HVCN1: variants seen among roughly 807,000 people sequenced by gnomAD.
The protein encoded by HVCN1 is hydrogen voltage gated channel 1, also known as voltage-gated hydrogen channel 1.
A neutral mutation model predicts 29.2 loss-of-function variants in HVCN1; 14 were observed. The observed-to-expected ratio is 0.48, with a 90% CI of 0.32 to 0.75. HVCN1 has a LOEUF of 0.75. Among genes scored for constraint, HVCN1 ranks in the 30% least tolerant of loss-of-function variants. HVCN1 has a pLI of 0.04. For missense variants in HVCN1, 263 were observed against 341.8 expected, an observed-to-expected ratio of 0.77 and a Z score of 1.82; for synonymous variants, 131 against 133.2, an observed-to-expected ratio of 0.98 and a Z score of 0.11.
In HVCN1 at chr12:110,676,126, T is replaced by TTCAC. The variant is rs1308398405; in HGVS notation, c.21+7095_21+7098dup. ...CAGAGCGGCTGTCCCCAGTCCTAGC[T>TTCAC]TCACTCATCCTCCCCTATAGCCCTG... On this transcript the variant is annotated intron_variant, in intron 3 of 7. Coordinates refer to ENST00000242607, the MANE Select transcript of HVCN1 (RefSeq NM_032369.4). This position sits in a 1 kb window ranked among gnomAD's most constrained non-coding sequence, Gnocchi z 4.1. Among the ~76,000 whole-genome samples, 3 of 152,144 alleles carry TTCAC rather than the reference T, an allele frequency of 2.0e-5. No individual in the cohort carries two copies. The highest frequency in any genetic ancestry group is 7.2e-5 in the African/African-American group (3 of 41,434).
At chr12:110,680,511 G>A (rs893173997) in intron 3 of HVCN1, among the ~76,000 whole-genome samples, 1 of 152,008 alleles carries the variant, frequency 6.6e-6, no homozygotes. Flanking sequence ...TGTGAAAAAA[G>A]GAACAAAAGA....
At chr12:110,699,933 C>G (rs1271947569) in intron 2 of HVCN1, among the ~76,000 whole-genome samples, 1 of 152,218 alleles carries the variant, frequency 6.6e-6, no homozygotes, top group East Asian at 1.9e-4. Flanking sequence ...TGGCAGGGAC[C>G]CCCCGCTCTG....
In HVCN1 at chr12:110,672,033, G is replaced by C. The variant is rs561912165; in HGVS notation, c.22-10585C>G. Among the ~76,000 whole-genome samples the C allele has an allele frequency of 4.6e-5, 7 of 152,330 alleles. No individual in the cohort carries two copies. In the South Asian group the frequency reaches 1.4e-3, roughly 32 times the overall value. On this transcript the variant is annotated intron_variant, in intron 3 of 7. Coordinates refer to ENST00000242607, the MANE Select transcript of HVCN1 (RefSeq NM_032369.4). The stretch of plus-strand genomic sequence containing the variant: ...GTGTATTCTTCCTAGGAGGGTAACA[G>C]GGCAGTTCCTTTCATCTTTTGAAAA...
At position 110,649,471 on chromosome 12, in the gene HVCN1, T is replaced by G; in HGVS notation, c.761A>C (p.Gln254Pro). The G allele has an allele frequency of 6.2e-7, 1 of 1,601,286 alleles. No homozygotes were observed. Among genetic ancestry groups the G allele is most frequent in the Non-Finnish European group, 8.5e-7 (1 of 1,171,268 alleles). The change falls in exon 8 of 8, where the codon CAA (glutamine) becomes CCA (proline). Residue 254 changes from glutamine (Q) to proline (P), a missense_variant. Physicochemically the swap from Gln to Pro is moderately conservative, Grantham distance 76. Transcript: ENST00000242607. ...TAGTTTGTTAAGTCTTTCAATTTCT[T>G]GTTCCTATTGCAAAAGCAGACAAAC... ...HLEFSCSEKEQEIERLNKLLR... is the reference protein window; with the variant it reads ...HLEFSCSEKEPEIERLNKLLR...
chr12:110,661,027 G>A lies in HVCN1; in HGVS notation c.306+137C>T, dbSNP rs2068149573. The A allele has an allele frequency of 1.2e-6, 1 of 813,414 alleles. No individual in the cohort carries two copies. The highest frequency in any genetic ancestry group is 2.0e-6 in the Non-Finnish European group (1 of 496,366). The allele number at this position is 813,414 out of a possible 1,614,324, so 50.4% of individuals were successfully genotyped here. ...TTCCCAGCACGGTACAGGGTCCCCG[G>A]CACGTGGTAGGTGCTGGGCAAACAC... On this transcript the variant is annotated intron_variant, in intron 4 of 7. Coordinates refer to ENST00000242607, the MANE Select transcript of HVCN1 (RefSeq NM_032369.4). This position sits in a 1 kb window ranked among gnomAD's most constrained non-coding sequence, Gnocchi z 6.2.
At chr12:110,687,449 C>T (rs528837421) in intron 2 of HVCN1, among the ~76,000 whole-genome samples, 8 of 152,300 alleles carry the variant, frequency 5.3e-5, no homozygotes, top group African/African-American at 1.4e-4. Context: ...GTGCTGTGCA[C>T]AGCCCCTGAG....
At chr12:110,677,119 C>T (rs2068773713) in intron 3 of HVCN1, among the ~76,000 whole-genome samples, 1 of 151,932 alleles carries the variant, frequency 6.6e-6, no homozygotes, top group Non-Finnish European at 1.5e-5. Context: ...AGAGGCGGAT[C>T]GCTTGAGCCC....
intron 2 of HVCN1, among the ~76,000 whole-genome samples, chr12:110,696,412 A>T (rs2069492120): frequency 6.6e-6 from 1 of 152,068 alleles, no homozygotes; most frequent in African/African-American, 2.4e-5. Context: ...TCATTATCTC[A>T]AAAGGAAACA....
At chr12:110,699,097 C>CTGT (rs1231086125) in intron 2 of HVCN1, among the ~76,000 whole-genome samples, 25 of 152,350 alleles carry the variant, frequency 1.6e-4, no homozygotes, top group Non-Finnish European at 3.1e-4. Context: ...CACTGCACTC[C>CTGT]AGCCTGAGCA....
At chr12:110,665,178 G>A (rs1317391568) in intron 3 of HVCN1, among the ~76,000 whole-genome samples, 1 of 152,162 alleles carries the variant, frequency 6.6e-6, no homozygotes, top group Non-Finnish European at 1.5e-5. Context: ...CATCATAGAT[G>A]CATACTGTCT....
intron 2 of HVCN1, among the ~76,000 whole-genome samples, chr12:110,701,877 A>G (rs2069567443): frequency 6.8e-6 from 1 of 147,248 alleles, no homozygotes; most frequent in African/African-American, 2.6e-5. Context: ...CAAAACAACA[A>G]GAACAAAACA....
At chr12:110,691,358 T>C (rs370247882), upstream of HVCN1, among the ~76,000 whole-genome samples, 3 of 152,252 alleles carry the variant, frequency 2.0e-5, no homozygotes, top group East Asian at 5.8e-4. Flanking sequence ...CCACCGCGTC[T>C]GGCCAGAAGG....
At chr12:110,702,772 A>G (rs2069575937) in intron 1 of HVCN1, among the ~76,000 whole-genome samples, 2 of 151,944 alleles carry the variant, frequency 1.3e-5, no homozygotes, top group African/African-American at 4.8e-5. Flanking sequence ...CTCCTGCCTC[A>G]GCCTCCCGAG....
intron 3 of HVCN1, among the ~76,000 whole-genome samples, chr12:110,673,571 C>T (rs555714045): frequency 7.2e-5 from 11 of 152,274 alleles, no homozygotes; most frequent in Non-Finnish European, 1.5e-4. Flanking sequence ...TTCACAGCAG[C>T]CCCTCCCATC....
intron 3 of HVCN1, among the ~76,000 whole-genome samples, chr12:110,678,441 T>C (rs2068825319): frequency 4.8e-5 from 1 of 20,994 alleles, no homozygotes; most frequent in Admixed American, 4.6e-4. Flanking sequence ...TTCTATTTCT[T>C]TTTTTTTTTT....
chr12:110,681,396 T>C (rs778152330), intron 3 of HVCN1, among the ~76,000 whole-genome samples: 2 of 152,216 alleles, frequency 1.3e-5, no homozygotes, highest in African/African-American at 2.4e-5. Flanking sequence ...ATTTTGTGTC[T>C]AGAACAGTGG....
At chr12:110,655,776 C>T (rs555776274) in intron 4 of HVCN1, among the ~76,000 whole-genome samples, 44 of 151,916 alleles carry the variant, frequency 2.9e-4, no homozygotes, top group African/African-American at 1.0e-3. Context: ...ATGATCTCGC[C>T]TCACTGCAAC....
intron 3 of HVCN1, among the ~76,000 whole-genome samples, chr12:110,681,093 A>ATCCAATTCTAAGACCACGTT (rs1298701379): frequency 6.6e-6 from 1 of 152,196 alleles, no homozygotes; most frequent in East Asian, 1.9e-4. Flanking sequence ...ATGGTTTTTA[A>ATCCAATTCTAAGACCACGTT]TCCAATTCTA....
At chr12:110,690,667 G>C (rs779294167), upstream of HVCN1, among the ~76,000 whole-genome samples, 1 of 151,958 alleles carries the variant, frequency 6.6e-6, no homozygotes, top group East Asian at 1.9e-4. Flanking sequence ...TAGTAGAGAC[G>C]GGGTTTTACC....
Sources: allele counts gnomAD v4.1 joint callset (sites outside exome capture counted in the v4.1 genomes callset), GRCh38; gene constraint gnomAD v4.1.1; non-coding constraint Gnocchi (gnomAD v3.1); transcripts MANE v1.5; gene names NCBI Gene and HGNC (gene_info 2026-07-23, HGNC 2026-07-21).